MYO19: variants seen among roughly 807,000 people sequenced by gnomAD.
MYO19 encodes the protein myosin XIX.
Under a neutral mutation model 129.2 loss-of-function variants are expected in MYO19, and 132 were observed. The ratio of observed to expected loss-of-function variants is 1.02; its 90% confidence interval spans 0.89 to 1.18. The LOEUF is 1.18. MYO19 is among the 50% of genes most tolerant of loss of function. The pLI, the probability that MYO19 is intolerant of heterozygous loss-of-function variation, is 0.00. For synonymous variants in MYO19, 531 were observed against 477.2 expected (o/e 1.11, Z -1.47); for missense variants, 1,210 against 1,216.7 (o/e 0.99, Z 0.08).
intron 21 of MYO19, chr17:36,502,023 G>A (rs1236007978): frequency 6.5e-6 from 1 of 153,030 alleles, no homozygotes; most frequent in African/African-American, 2.4e-5. Context: ...AAGGAGAAAG[G>A]GTGAAAGGAA....
intron 14 of MYO19, 63 bp from the exon 15 acceptor site, chr17:36,507,987 A>T (rs2072038932): frequency 1.3e-6 from 2 of 1,504,796 alleles, no homozygotes; most frequent in East Asian, 4.7e-5. Context: ...TAGGGGACCA[A>T]GGAACCCAGG....
intron 3 of MYO19, among the ~76,000 whole-genome samples, chr17:36,529,611 C>T (rs1299421773): frequency 6.6e-6 from 1 of 152,092 alleles, no homozygotes; most frequent in African/African-American, 2.4e-5. Flanking sequence ...GAACTTTGGG[C>T]CCACTATAAT....
chr17:36,510,799 G>GA lies in MYO19; in HGVS notation c.1103_1104insT (p.Arg369ProfsTer5). The GA allele has an allele frequency of 6.2e-7, 1 of 1,603,528 alleles. No homozygotes were observed. Among genetic ancestry groups the GA allele is most frequent in the Non-Finnish European group, 8.5e-7 (1 of 1,175,220 alleles). On this transcript the variant is annotated frameshift_variant, in exon 13 of 26. Coordinates refer to ENST00000614623, the MANE Select transcript of MYO19 (RefSeq NM_001163735.2). LOFTEE classifies it high-confidence loss of function. ...CTCTACGGGTGTCACACTCGGCTCGGGCGCAGGGCTTCCGGAACACCTGCT... is the reference window on the plus strand; with the variant it reads ...CTCTACGGGTGTCACACTCGGCTCGGAGCGCAGGGCTTCCGGAACACCTGCT...
At position 36,507,075 on chromosome 17, in the gene MYO19, G is replaced by A. The variant is rs2071956071; in HGVS notation, c.1532C>T (p.Ala511Val). ...QLQTRIETAL[A>V]GSPCLGHNKL... ...ATTGTGGCCCAGGCAGGGGCTGCCT[G>A]CCAGGGCAGTCTCAATGCGTGTCTG... The change falls in exon 17 of 26, where the codon GCA becomes GTA. Residue 511 changes from alanine (A) to valine (V), a missense_variant. Ala to Val is a moderately conservative substitution (Grantham distance 64, BLOSUM62 0). Coordinates refer to ENST00000614623, the MANE Select transcript of MYO19 (RefSeq NM_001163735.2). 2 of 1,613,494 alleles carry A rather than the reference G, an allele frequency of 1.2e-6. No homozygotes were observed. The highest frequency in any genetic ancestry group is 4.5e-5 in the East Asian group (2 of 44,872).
intron 11 of MYO19, 68 bp downstream of exon 11, chr17:36,513,361 G>A: frequency 2.5e-6 from 4 of 1,613,250 alleles, no homozygotes; most frequent in Non-Finnish European, 2.5e-6. Context: ...CAAGTCCAGG[G>A]AAAAGCTCTA....
intron 6 of MYO19, among the ~76,000 whole-genome samples, chr17:36,521,828 C>T (rs1421116814): frequency 6.6e-6 from 1 of 151,614 alleles, no homozygotes; most frequent in Non-Finnish European, 1.5e-5. Context: ...GTCAAGAGAT[C>T]GAGATCATCT....
At chr17:36,529,960 A>T (rs1416366728) in intron 3 of MYO19, among the ~76,000 whole-genome samples, 1 of 152,148 alleles carries the variant, frequency 6.6e-6, no homozygotes. Flanking sequence ...TAGGTAGAAG[A>T]ACCACTTGGG....
intron 16 of MYO19, 109 bp from the exon 17 acceptor site, chr17:36,507,248 T>C (rs902300591): frequency 8.1e-6 from 12 of 1,487,800 alleles, no homozygotes; most frequent in African/African-American, 1.4e-5. Context: ...ACAGGCATCA[T>C]AGTGTCCCCA....
intron 6 of MYO19, among the ~76,000 whole-genome samples, chr17:36,517,073 C>T (rs1321177519): frequency 6.6e-6 from 1 of 152,068 alleles, no homozygotes; most frequent in East Asian, 1.9e-4. Flanking sequence ...GTGTGATCTT[C>T]AGCAGTTTGC....
exon 1 of MYO19, chr17:36,543,168 T>A (rs1173424555): frequency 6.6e-6 from 1 of 152,200 alleles, no homozygotes; most frequent in African/African-American, 2.4e-5. Context: ...AAAAAAAATT[T>A]TTTTTTGAGA....
upstream of MYO19, among the ~76,000 whole-genome samples, chr17:36,544,569 A>G (rs1328461795): frequency 6.6e-6 from 1 of 152,168 alleles, no homozygotes; most frequent in Non-Finnish European, 1.5e-5. Flanking sequence ...CGCTGAAAGA[A>G]TTCCCCTTTG....
intron 24 of MYO19, 125 bp from the exon 25 acceptor site, chr17:36,498,684 A>T: frequency 3.4e-6 from 4 of 1,183,020 alleles, no homozygotes; most frequent in Non-Finnish European, 4.6e-6. Flanking sequence ...GGTTGCAAAC[A>T]GCTGGCTGCC....
In MYO19 at chr17:36,505,009, G is replaced by C. The variant is rs2071781297; in HGVS notation, c.1905+288C>G. The C allele has an allele frequency of 1.4e-4, 81 of 583,480 alleles. 1 individual carries two copies. The highest frequency in any genetic ancestry group is 1.3e-3 in the South Asian group (78 of 61,668). 36.1% of individuals were successfully genotyped at this position (583,480 alleles called of 1,614,324 possible). ...GTGATGTAGACTTTCAGCTAATCAC[G>C]AGACACCCATTCCTCTGGGCAGTTT... On this transcript the variant is annotated intron_variant, in intron 19 of 25. Transcript: ENST00000614623.
Position 36,501,073 on chromosome 17 carries a change from G to A in MYO19, c.2243C>T (p.Ser748Phe). ...CGRTKVFMTDSMLELLECGRA... is the reference protein window; with the variant it reads ...CGRTKVFMTDFMLELLECGRA... ...CTCATCCCCAAACCAGCTCACCATA[G>A]AGTCAGTCATGAACACCTTGGTCCT... The change falls in exon 22 of 26, where the codon TCT (serine) becomes TTT (phenylalanine). Residue 748 changes from serine (S) to phenylalanine (F), a missense_variant. Ser to Phe is a radical substitution (Grantham distance 155, BLOSUM62 -2). Coordinates refer to ENST00000614623, the MANE Select transcript of MYO19 (RefSeq NM_001163735.2). The A allele has an allele frequency of 1.2e-6, 2 of 1,611,532 alleles. No homozygotes were observed. The highest frequency in any genetic ancestry group is 1.7e-6 in the Non-Finnish European group (2 of 1,178,064).
chr17:36,509,437 T>C (rs1259457875), intron 13 of MYO19: 2 of 470,196 alleles, frequency 4.3e-6, no homozygotes, highest in South Asian at 4.8e-5. Context: ...CTCAGTCACA[T>C]GGCTCGAGAC....
At chr17:36,518,088 CAA>C (rs3050531) in intron 6 of MYO19, among the ~76,000 whole-genome samples, 20 of 108,470 alleles carry the variant, frequency 1.8e-4, no homozygotes, top group African/African-American at 2.5e-4. Context: ...GAAACTATCT[CAA>C]AAAAAAAAAA....
chr17:36,498,430 G>C lies in MYO19; in HGVS notation c.2593C>G (p.Pro865Ala). The C allele has an allele frequency of 6.2e-7, 1 of 1,614,014 alleles. No homozygotes were observed. The highest frequency in any genetic ancestry group is 1.3e-5 in the African/African-American group (1 of 75,042). ...GTATTGGCCAGGACCAGTCCCAGGG[G>C]CCAGAGGCGGATTATTGCCTCCAGG... ...RLLEAIIRLW[P>A]LGLVLANTAM... is the part of the protein sequence containing the mutation. The change falls in exon 25 of 26, where the codon CCC becomes GCC. Residue 865 changes from proline to alanine, a missense_variant. Transcript: ENST00000614623.
At chr17:36,535,212 G>GGCGGAGTGTTGTGCGAGTC (rs2074065272), upstream of MYO19, 267 of 144,546 alleles carry the variant, frequency 1.8e-3, 1 homozygote, top group African/African-American at 7.2e-3. Flanking sequence ...TTGTGCGAGT[G>GGCGGAGTGTTGTGCGAGTC]CGGCGGAGTG....
chr17:36,515,052 C>T (rs2072646257), intron 8 of MYO19, 61 bp downstream of exon 8: 1 of 1,506,008 alleles, frequency 6.6e-7, no homozygotes, highest in Non-Finnish European at 9.0e-7. Context: ...GATACTGCCC[C>T]AGCCACTTTC....
Sources: allele counts gnomAD v4.1 joint callset (sites outside exome capture counted in the v4.1 genomes callset), GRCh38; gene constraint gnomAD v4.1.1; transcripts MANE v1.5; gene names NCBI Gene and HGNC (gene_info 2026-07-23, HGNC 2026-07-21).